TMEM117: variants seen among roughly 807,000 people sequenced by gnomAD.
TMEM117 encodes transmembrane protein 117.
In TMEM117, 27 loss-of-function variants were observed where a neutral mutation model predicts 52.4. The observed-to-expected ratio is 0.51, with a 90% CI of 0.38 to 0.71. TMEM117 has a LOEUF of 0.71. TMEM117 is among the 30% of genes least tolerant of loss of function. The probability of loss-of-function intolerance (pLI) is 0.00; values close to 1 mark genes in which losing one functional copy is unlikely to be tolerated. For missense variants in TMEM117, 556 were observed against 630.5 expected, an observed-to-expected ratio of 0.88 and a Z score of 1.26; for synonymous variants, 215 against 206.3, an observed-to-expected ratio of 1.04 and a Z score of -0.36.
chr12:43,956,252 T>A (rs933345765), intron 3 of TMEM117, among the ~76,000 whole-genome samples: 5 of 152,000 alleles, frequency 3.3e-5, no homozygotes, highest in Non-Finnish European at 5.9e-5. Context: ...TATGATGAAA[T>A]TGCCGAAAGC....
the TMEM117 span, among the ~76,000 whole-genome samples, chr12:43,823,846 A>G: frequency 6.6e-6 from 1 of 152,108 alleles, no homozygotes; most frequent in South Asian, 2.1e-4. Context: ...GCTGATAGTG[A>G]TTAAATTGAA....
chr12:44,045,525 C>G (rs1349801933), intron 3 of TMEM117, among the ~76,000 whole-genome samples: 1 of 152,138 alleles, frequency 6.6e-6, no homozygotes, highest in African/African-American at 2.4e-5. Context: ...TGCCTCTGAC[C>G]AAGGTACTCA....
chr12:44,239,300 A>G (rs1950034388), intron 5 of TMEM117, among the ~76,000 whole-genome samples: 1 of 152,164 alleles, frequency 6.6e-6, no homozygotes, highest in Non-Finnish European at 1.5e-5. Flanking sequence ...TAGTTCTCCC[A>G]GCAAGTATAC....
chr12:43,988,895 A>C (rs1303063857), intron 3 of TMEM117, among the ~76,000 whole-genome samples: 1 of 152,164 alleles, frequency 6.6e-6, no homozygotes, highest in African/African-American at 2.4e-5. Flanking sequence ...TTTTAATTAT[A>C]AGCACCTTTT....
chr12:44,301,761 C>G (rs1950843093), intron 6 of TMEM117, among the ~76,000 whole-genome samples: 2 of 151,824 alleles, frequency 1.3e-5, no homozygotes, highest in Non-Finnish European at 2.9e-5. Flanking sequence ...GTTTCTCGTT[C>G]AAATGGAAGA....
the TMEM117 span, among the ~76,000 whole-genome samples, chr12:43,811,437 A>C: frequency 2.0e-5 from 3 of 152,224 alleles, no homozygotes; most frequent in Admixed American, 6.5e-5. Context: ...ACTCTCCCCT[A>C]CTGGACCTGG....
Position 44,342,993 on chromosome 12 carries a change from C to T in TMEM117, c.769-33602C>T, listed in dbSNP as rs543019921. On this transcript the variant is annotated intron_variant, in intron 6 of 7. Transcript: ENST00000266534. ...CCTTCTTCAAGTGATTCTCGTGACT[C>T]GGGTATCTCAGCCTCCCGAGTAGCT... Among the ~76,000 whole-genome samples the T allele has an allele frequency of 3.4e-4, 51 of 152,164 alleles. No homozygotes were observed. In the South Asian group the frequency reaches 9.1e-3, roughly 27 times the overall value.
chr12:43,860,912 T>C (rs1238668320), intron 2 of TMEM117, among the ~76,000 whole-genome samples: 1 of 152,196 alleles, frequency 6.6e-6, no homozygotes, highest in Non-Finnish European at 1.5e-5. Context: ...TAGTTTATTC[T>C]GAGAGAATGC....
intron 3 of TMEM117, among the ~76,000 whole-genome samples, chr12:43,962,035 T>A (rs1945412175): frequency 6.6e-6 from 1 of 152,186 alleles, no homozygotes; most frequent in Non-Finnish European, 1.5e-5. Flanking sequence ...AACAGAGTCC[T>A]ATTAAGAAAA....
chr12:44,282,868 G>A (rs1213658540), intron 5 of TMEM117, among the ~76,000 whole-genome samples: 2 of 152,228 alleles, frequency 1.3e-5, no homozygotes, highest in Non-Finnish European at 2.9e-5. Flanking sequence ...AAGCCCAGGA[G>A]GAAAGTGGTT....
chr12:44,280,842 A>C (rs1950568192), intron 5 of TMEM117, among the ~76,000 whole-genome samples: 1 of 152,144 alleles, frequency 6.6e-6, no homozygotes, highest in African/African-American at 2.4e-5. Flanking sequence ...ATGAAATTAT[A>C]CTTTTTATAT....
intron 2 of TMEM117, among the ~76,000 whole-genome samples, chr12:43,917,421 G>A (rs937113374): frequency 1.3e-5 from 2 of 151,996 alleles, no homozygotes; most frequent in Non-Finnish European, 2.9e-5. Flanking sequence ...TTTAGTAAGT[G>A]GTTTATGTAA....
chr12:44,207,140 G>A (rs1949579673), intron 4 of TMEM117, among the ~76,000 whole-genome samples: 1 of 151,674 alleles, frequency 6.6e-6, no homozygotes, highest in Non-Finnish European at 1.5e-5. Context: ...TATCCTTTAT[G>A]TATATGCTTG....
chr12:44,108,256 C>A (rs1182842338), intron 3 of TMEM117, among the ~76,000 whole-genome samples: 1 of 148,700 alleles, frequency 6.7e-6, no homozygotes, highest in African/African-American at 2.5e-5. Flanking sequence ...GCACATTGTG[C>A]AGGTTAGTTA....
At chr12:44,367,340 T>A (rs1951802864) in intron 6 of TMEM117, among the ~76,000 whole-genome samples, 1 of 152,104 alleles carries the variant, frequency 6.6e-6, no homozygotes, top group Non-Finnish European at 1.5e-5. Context: ...TATTGCCAAA[T>A]CTGATGGTTA....
intron 2 of TMEM117, among the ~76,000 whole-genome samples, chr12:43,876,756 T>C (rs933545960): frequency 6.6e-6 from 1 of 152,204 alleles, no homozygotes; most frequent in Non-Finnish European, 1.5e-5. Flanking sequence ...ATATAGATAC[T>C]CAGTAAATAT....
intron 2 of TMEM117, among the ~76,000 whole-genome samples, chr12:43,891,735 A>T (rs979040533): frequency 6.6e-6 from 1 of 152,116 alleles, no homozygotes; most frequent in Non-Finnish European, 1.5e-5. Context: ...CTTATTTTAT[A>T]TAATTTTCTC....
rs1229678484 is a variant in TMEM117, at chr12:44,220,584, T to TA, written c.608+9199dup. Among the ~76,000 whole-genome samples the TA allele has an allele frequency of 2.0e-5, 3 of 152,140 alleles. No homozygotes were observed. The East Asian group carries it at 5.8e-4, about 29-fold the overall frequency. On this transcript the variant is annotated intron_variant, in intron 5 of 7. Transcript: ENST00000266534. ...AGATAGAATAATACCTCAGTGGTAA[T>TA]AAGCACACCCCCTACCCAGATCTTG...
At chr12:44,267,376 A>G (rs1950391552) in intron 5 of TMEM117, among the ~76,000 whole-genome samples, 1 of 152,144 alleles carries the variant, frequency 6.6e-6, no homozygotes, top group South Asian at 2.1e-4. Flanking sequence ...TATGATTGAC[A>G]TACAAAAAGT....
Sources: allele counts gnomAD v4.1 joint callset (sites outside exome capture counted in the v4.1 genomes callset), GRCh38; gene constraint gnomAD v4.1.1; transcripts MANE v1.5; gene names NCBI Gene and HGNC (gene_info 2026-07-23, HGNC 2026-07-21).